Variants in MAP3K5 observed in about 807,000 individuals in gnomAD.
MAP3K5 encodes the protein ASK-1.
In MAP3K5, 56 loss-of-function variants were observed where a neutral mutation model predicts 158.7. The ratio of observed to expected loss-of-function variants is 0.35; its 90% CI spans 0.28 to 0.44. The LOEUF (loss-of-function observed/expected upper bound fraction) is 0.44, where lower values mean the gene tolerates loss of function less well. Ranked by LOEUF, MAP3K5 falls within the 20% of genes least tolerant of loss-of-function variation. MAP3K5 has a pLI of 1.00. For missense variants in MAP3K5, 1,294 were observed against 1,674.8 expected, an observed-to-expected ratio of 0.77 and a Z score of 3.97; for synonymous variants, 579 against 601.7, an observed-to-expected ratio of 0.96 and a Z score of 0.55.
chr6:136,633,350 A>T (rs2129102900), intron 14 of MAP3K5, among the ~76,000 whole-genome samples: 1 of 152,118 alleles, frequency 6.6e-6, no homozygotes, highest in Non-Finnish European at 1.5e-5. Context: ...GTAAGCCAAG[A>T]TCATGCCACT....
chr6:136,769,384 G>T (rs1784085495), intron 1 of MAP3K5, among the ~76,000 whole-genome samples: 2 of 152,048 alleles, frequency 1.3e-5, no homozygotes, highest in South Asian at 4.2e-4. Context: ...TTGGTACAGG[G>T]TTTATTTTTG....
At chr6:136,691,485 C>G (rs1331402336) in intron 7 of MAP3K5, among the ~76,000 whole-genome samples, 1 of 152,030 alleles carries the variant, frequency 6.6e-6, no homozygotes, top group Non-Finnish European at 1.5e-5. Flanking sequence ...GTGGGGCATG[C>G]CTGTAATCCC....
At chr6:136,737,261 G>C (rs1782517380) in intron 1 of MAP3K5, among the ~76,000 whole-genome samples, 1 of 152,010 alleles carries the variant, frequency 6.6e-6, no homozygotes, top group African/African-American at 2.4e-5. Context: ...AAGGGGGCGA[G>C]GGTTGAAGAA....
intron 1 of MAP3K5, among the ~76,000 whole-genome samples, chr6:136,782,955 T>A (rs1784679458): frequency 6.6e-6 from 1 of 152,254 alleles, no homozygotes; most frequent in African/African-American, 2.4e-5. Context: ...ACCTGGCACA[T>A]ATTTCGATTA....
chr6:136,583,371 A>G (rs145728805), intron 24 of MAP3K5, among the ~76,000 whole-genome samples, 184 bp downstream of exon 24: 55 of 152,364 alleles, frequency 3.6e-4, no homozygotes, highest in African/African-American at 1.3e-3. Flanking sequence ...TGGGGAATGC[A>G]AACACACAAA....
At chr6:136,723,782 G>A (rs1033324782) in intron 1 of MAP3K5, among the ~76,000 whole-genome samples, 2 of 152,166 alleles carry the variant, frequency 1.3e-5, no homozygotes, top group African/African-American at 4.8e-5. Context: ...AAAAGACACA[G>A]AAGTTTATGA....
intron 18 of MAP3K5, among the ~76,000 whole-genome samples, chr6:136,610,956 A>C (rs1307425801): frequency 6.6e-6 from 1 of 151,818 alleles, no homozygotes; most frequent in Non-Finnish European, 1.5e-5. Context: ...AAATACAAAA[A>C]AATTAGCTGG....
At chr6:136,581,947 G>A (rs192184319) in intron 24 of MAP3K5, among the ~76,000 whole-genome samples, 13 of 152,208 alleles carry the variant, frequency 8.5e-5, no homozygotes, top group Non-Finnish European at 1.6e-4. Context: ...GCTGGGCATG[G>A]TGGCAGGCAC....
In MAP3K5 at chr6:136,622,873, T is replaced by C. The variant is rs367796749; in HGVS notation, c.2125A>G (p.Lys709Glu). The C allele has an allele frequency of 1.2e-6, 2 of 1,610,510 alleles. No homozygotes were observed. Residue 709 changes from lysine to glutamate, a missense_variant, in exon 15 of 30, where the codon AAG becomes GAG. Physicochemically the swap from Lys to Glu is moderately conservative, Grantham distance 56. Around this residue, in one of 5 missense-constraint regions of MAP3K5, gnomAD observed 41 missense variants for 98.2 expected, o/e 0.42. Coordinates refer to ENST00000359015, the MANE Select transcript of MAP3K5 (RefSeq NM_005923.4). ...CTGCTGTCTCTCTCTGGGATTTCCT[T>C]AATAGCAATTCTGACTTGGTTGCTC... ...DLSNQVRIAI[K>E]EIPERDSRYS...
intron 1 of MAP3K5, among the ~76,000 whole-genome samples, chr6:136,730,986 T>C (rs993421504): frequency 6.6e-6 from 1 of 152,170 alleles, no homozygotes; most frequent in Admixed American, 6.5e-5. Flanking sequence ...GTAATGAGCA[T>C]GAAAAATCTA....
intron 14 of MAP3K5, chr6:136,630,415 A>G (rs760662693): frequency 1.3e-5 from 2 of 151,572 alleles, no homozygotes; most frequent in Non-Finnish European, 2.9e-5. Flanking sequence ...CTACCATTCA[A>G]TAGCTGTCCA....
chr6:136,679,561 A>G (rs1368789224), intron 7 of MAP3K5, among the ~76,000 whole-genome samples: 2 of 152,212 alleles, frequency 1.3e-5, no homozygotes. Context: ...TGGTGGGGGT[A>G]TAACCCTCCA....
chr6:136,681,403 G>A lies in MAP3K5; in HGVS notation c.1254-12008C>T, dbSNP rs573312953. ...AATCCCAGAAATCTGGAAGGCTGAG[G>A]AAGGAGGATCACTTGAGCCCAAGTG... On this transcript the variant is annotated intron_variant, in intron 7 of 29. Transcript: ENST00000359015. Among the ~76,000 whole-genome samples, 8 of 152,282 alleles carry A rather than the reference G, an allele frequency of 5.3e-5. No homozygotes were observed. In the South Asian group the frequency reaches 8.3e-4, roughly 16 times the overall value.
chr6:136,691,605 G>A (rs1941294822), intron 7 of MAP3K5, among the ~76,000 whole-genome samples: 3 of 131,422 alleles, frequency 2.3e-5, no homozygotes, highest in African/African-American at 7.7e-5. Flanking sequence ...AGCAAGATTC[G>A]TCTCAAAAAA....
chr6:136,730,004 ACTCTGT>A (rs1782140368), intron 1 of MAP3K5, among the ~76,000 whole-genome samples: 1 of 152,160 alleles, frequency 6.6e-6, no homozygotes, highest in Admixed American at 6.5e-5. Flanking sequence ...ACAGGGTCTC[ACTCTGT>A]CTTCCAGGCT....
At chr6:136,759,761 ATTTTTTTTTTTT>A (rs11317822) in intron 1 of MAP3K5, among the ~76,000 whole-genome samples, 10 of 99,934 alleles carry the variant, frequency 1.0e-4, no homozygotes, top group African/African-American at 4.2e-4. Context: ...CCAGCCCTCT[ATTTTTTTTTTTT>A]TTTTTTTTTG....
At chr6:136,638,162 C>A (rs897960681) in intron 13 of MAP3K5, among the ~76,000 whole-genome samples, 1 of 151,878 alleles carries the variant, frequency 6.6e-6, no homozygotes, top group South Asian at 2.1e-4. Context: ...TATTAAATAG[C>A]ACAATGAATG....
intron 23 of MAP3K5, among the ~76,000 whole-genome samples, chr6:136,585,110 T>C (rs1230232766): frequency 8.3e-6 from 1 of 120,960 alleles, no homozygotes; most frequent in Non-Finnish European, 2.0e-5. Flanking sequence ...TTTTTGTTTT[T>C]TTTTTTTTGT....
At chr6:136,592,092 C>A (rs1775411725) in intron 23 of MAP3K5, 81 bp downstream of exon 23, 11 of 1,323,354 alleles carry the variant, frequency 8.3e-6, no homozygotes, top group Non-Finnish European at 1.1e-5. Flanking sequence ...CCTTTCACAT[C>A]ATCTGTGACA....
Sources: allele counts gnomAD v4.1 joint callset (sites outside exome capture counted in the v4.1 genomes callset), GRCh38; gene constraint gnomAD v4.1.1; regional missense constraint gnomAD v4.1.1; transcripts MANE v1.5; gene names NCBI Gene and HGNC (gene_info 2026-07-23, HGNC 2026-07-21).